The following SPATA31F1 variants were observed in gnomAD, a reference collection of about 807,000 sequenced individuals.
SPATA31F1 encodes protein SPATA31F1.
the SPATA31F1 span, chr9:34,729,203 G>A: frequency 6.9e-7 from 1 of 1,443,166 alleles, no homozygotes; most frequent in Non-Finnish European, 9.2e-7. Context: ...ATTCTGGGGT[G>A]GGGATTATAA....
At chr9:34,723,109 GGAAATGACAATA>G in the SPATA31F1 span, 5 of 1,214,802 alleles carry the variant, frequency 4.1e-6, no homozygotes, top group Non-Finnish European at 5.6e-6. Flanking sequence ...GCACATTTAT[GGAAATGACAATA>G]CTGGTCCTCT....
chr9:34,727,879 C>A, the SPATA31F1 span: 2 of 716,536 alleles, frequency 2.8e-6, no homozygotes, highest in Non-Finnish European at 4.5e-6. Flanking sequence ...TCCCTGGCAA[C>A]CCTCTCACCC....
At chr9:34,726,145 A>G in the SPATA31F1 span, 20 of 1,333,482 alleles carry the variant, frequency 1.5e-5, 2 homozygotes, top group Non-Finnish European at 2.0e-5. Context: ...TGGGCTGGCC[A>G]GCCACACATG....
At chr9:34,724,725 C>A in the SPATA31F1 span, 9 of 1,551,468 alleles carry the variant, frequency 5.8e-6, no homozygotes, top group Admixed American at 1.8e-4. Flanking sequence ...GGGCATGGCC[C>A]AAGACTTATA....
the SPATA31F1 span, chr9:34,729,222 G>C: frequency 2.0e-6 from 3 of 1,500,334 alleles, no homozygotes; most frequent in Non-Finnish European, 2.7e-6. Flanking sequence ...AAGGGAGCAC[G>C]GTAAGAACTT....
At chr9:34,724,593 G>C in the SPATA31F1 span, 1 of 1,532,950 alleles carries the variant, frequency 6.5e-7, no homozygotes, top group Non-Finnish European at 8.8e-7. Flanking sequence ...TGTGTCTGGA[G>C]TGAGTGGGGG....
chr9:34,727,639 G>GTATA, the SPATA31F1 span, among the ~76,000 whole-genome samples: 1 of 152,174 alleles, frequency 6.6e-6, no homozygotes, highest in Non-Finnish European at 1.5e-5. Context: ...CCTTGAAAGG[G>GTATA]TATAGCTTTA....
At chr9:34,723,122 C>G in the SPATA31F1 span, 1 of 1,310,684 alleles carries the variant, frequency 7.6e-7, no homozygotes, top group Non-Finnish European at 1.0e-6. Flanking sequence ...AATGACAATA[C>G]TGGTCCTCTG....
chr9:34,723,337 T>C, the SPATA31F1 span: 1 of 1,551,698 alleles, frequency 6.4e-7, no homozygotes, highest in Middle Eastern at 1.7e-4. Flanking sequence ...GTCTGGAGTG[T>C]AGCCGGAGCT....
chr9:34,723,767 G>A, the SPATA31F1 span: 50 of 1,551,722 alleles, frequency 3.2e-5, no homozygotes, highest in Middle Eastern at 5.0e-4. Flanking sequence ...CACAGTCTGG[G>A]CATTCTCAGG....
At chr9:34,723,571 G>A in the SPATA31F1 span, 4 of 1,551,786 alleles carry the variant, frequency 2.6e-6, no homozygotes, top group South Asian at 2.4e-5. Context: ...TTGTCTTGGG[G>A]TTAATATGCT....
chr9:34,725,077 G>T, the SPATA31F1 span: 1 of 1,551,736 alleles, frequency 6.4e-7, no homozygotes, highest in Non-Finnish European at 8.7e-7. Context: ...GCAGTTCCAG[G>T]AACTGGCTTT....
the SPATA31F1 span, chr9:34,728,530 C>T: frequency 7.1e-7 from 1 of 1,415,220 alleles, no homozygotes; most frequent in Non-Finnish European, 9.7e-7. Flanking sequence ...TGGCTCTTGG[C>T]TCCAGAGGTC....
the SPATA31F1 span, chr9:34,726,312 G>C: frequency 6.5e-7 from 1 of 1,532,392 alleles, no homozygotes; most frequent in Non-Finnish European, 8.8e-7. Context: ...CGTCTTGGGA[G>C]CCCCCACCTC....
chr9:34,727,959 C>T, the SPATA31F1 span: 1 of 1,493,528 alleles, frequency 6.7e-7, no homozygotes, highest in Admixed American at 2.0e-5. Context: ...TGCCCCAGGC[C>T]AAGCCAAGAA....
At chr9:34,723,240 G>A in the SPATA31F1 span, 15 of 1,551,264 alleles carry the variant, frequency 9.7e-6, no homozygotes, top group Non-Finnish European at 1.3e-5. Flanking sequence ...AGCTAGGTTG[G>A]GTGCCCTGGT....
At chr9:34,726,368 A>C in the SPATA31F1 span, 5 of 1,547,094 alleles carry the variant, frequency 3.2e-6, no homozygotes, top group Non-Finnish European at 4.4e-6. Context: ...AAGCCTCAGC[A>C]CTTCAGGACT....
chr9:34,724,451 A>C, the SPATA31F1 span: 2 of 1,551,552 alleles, frequency 1.3e-6, no homozygotes, highest in Non-Finnish European at 1.7e-6. Flanking sequence ...TAGACTTTCA[A>C]GAGACTTCTG....
the SPATA31F1 span, chr9:34,726,865 G>A: frequency 5.2e-6 from 8 of 1,551,710 alleles, no homozygotes; most frequent in Non-Finnish European, 7.0e-6. Flanking sequence ...AAGTCAGGGA[G>A]ATCTGGTTGT....
Sources: gnomAD v4.1 joint callset for allele counts (sites outside exome capture counted in the v4.1 genomes callset) on GRCh38, gnomAD v4.1.1 for gene constraint, MANE v1.5 for transcripts, NCBI Gene and HGNC (gene_info 2026-07-23, HGNC 2026-07-21) for gene names.